SHBG: variants seen among roughly 807,000 people sequenced by gnomAD.
SHBG encodes the protein sex hormone-binding globulin.
Under a neutral mutation model 41.9 loss-of-function variants are expected in SHBG, and 37 were observed. The ratio of observed to expected loss-of-function variants is 0.88; its 90% CI spans 0.68 to 1.16. The LOEUF is 1.16. Ranked by LOEUF, SHBG falls within the 50% of genes most tolerant of loss-of-function variation. The pLI is 0.00. For synonymous variants in SHBG, 217 were observed against 205.8 expected, an observed-to-expected ratio of 1.05 and a Z score of -0.47; for missense variants, 466 against 499.9, an observed-to-expected ratio of 0.93 and a Z score of 0.65.
intron 6 of SHBG, 64 bp from the exon 7 acceptor site, chr17:7,632,688 C>A: frequency 7.6e-7 from 1 of 1,309,076 alleles, no homozygotes; most frequent in Non-Finnish European, 1.1e-6. Context: ...GGTGAGGCCA[C>A]AGGCAGTAGG....
intron 1 of SHBG, among the ~76,000 whole-genome samples, chr17:7,622,332 G>A (rs1352458476): frequency 1.3e-5 from 2 of 151,218 alleles, no homozygotes; most frequent in Non-Finnish European, 2.9e-5. Flanking sequence ...GAGTGCAGTG[G>A]CTCAATCTTG....
At chr17:7,615,713 A>T (rs1342763182) in intron 1 of SHBG, among the ~76,000 whole-genome samples, 2 of 146,586 alleles carry the variant, frequency 1.4e-5, no homozygotes, top group African/African-American at 5.1e-5. Flanking sequence ...ACGCGCCTGT[A>T]ATCCCAGATA....
At position 7,632,603 on chromosome 17, in the gene SHBG, T is replaced by C. The variant is rs150498522; in HGVS notation, c.853-149T>C. On this transcript the variant is annotated intron_variant, in intron 6 of 7. Coordinates refer to ENST00000380450, the MANE Select transcript of SHBG (RefSeq NM_001040.5). ...TCAAAAAGGGTCAAGCCAAAAAAAA[T>C]TGGGGCAGGATTTAAGTGGTGAGAA... The C allele has an allele frequency of 1.3e-3, 825 of 657,852 alleles. 5 individuals are homozygous for C. Among genetic ancestry groups the C allele is most frequent in the African/African-American group, 0.012 (647 of 55,506 alleles). The allele number at this position is 657,852 out of a possible 1,614,324, so 40.8% of individuals were successfully genotyped here. A position where few individuals can be genotyped will look rare whatever the true frequency, so the allele number is the denominator to read the frequency against.
At position 7,631,263 on chromosome 17, in the gene SHBG, C is replaced by T. The variant is rs1253364315; in HGVS notation, c.457C>T (p.Leu153=). Residue 153 remains leucine (L), a synonymous_variant, in exon 4 of 8, where the codon CTG becomes TTG. Coordinates refer to ENST00000380450, the MANE Select transcript of SHBG (RefSeq NM_001040.5). ...GGTGGATGGGGAGGAGGTGCTGCGCCTGAGACAGGTCTCTGGGCCCCTGAC... is the reference window on the plus strand; with the variant it reads ...GGTGGATGGGGAGGAGGTGCTGCGCTTGAGACAGGTCTCTGGGCCCCTGAC... The part of the protein sequence containing the change: ...LEVDGEEVLR[L]RQVSGPLTSK... The T allele has an allele frequency of 1.2e-6, 2 of 1,611,366 alleles. No homozygotes were observed. The highest frequency in any genetic ancestry group is 1.7e-6 in the Non-Finnish European group (2 of 1,178,906).
chr17:7,626,475 T>A, upstream of SHBG: 1 of 1,613,982 alleles, frequency 6.2e-7, no homozygotes, highest in Non-Finnish European at 8.5e-7. Context: ...TCTCGTTGCC[T>A]CTCCTTGAAA....
intron 1 of SHBG, among the ~76,000 whole-genome samples, chr17:7,616,093 G>A (rs1489266048): frequency 1.3e-5 from 2 of 150,874 alleles, no homozygotes; most frequent in Non-Finnish European, 2.9e-5. Context: ...CGGATCACGA[G>A]GTCAGGAGAT....
upstream of SHBG, among the ~76,000 whole-genome samples, chr17:7,629,330 A>G (rs1390806428): frequency 2.6e-5 from 4 of 151,998 alleles, no homozygotes; most frequent in Admixed American, 2.6e-4. Context: ...GTGAGCCGAG[A>G]TCACGCCACT....
At chr17:7,624,943 CTTTTTTTTTTT>C (rs907499817), upstream of SHBG, among the ~76,000 whole-genome samples, 1 of 93,722 alleles carries the variant, frequency 1.1e-5, no homozygotes, top group Non-Finnish European at 2.1e-5. Flanking sequence ...CAGGCGTGAG[CTTTTTTTTTTT>C]TTTTTTTTTT....
chr17:7,629,282 A>C (rs1166455480), upstream of SHBG, among the ~76,000 whole-genome samples: 1 of 151,824 alleles, frequency 6.6e-6, no homozygotes, highest in Non-Finnish European at 1.5e-5. Context: ...GGAGGCTGAG[A>C]CAGGAGGATC....
chr17:7,627,896 C>T (rs374580215), upstream of SHBG: 25 of 615,838 alleles, frequency 4.1e-5, no homozygotes, highest in East Asian at 4.9e-4. The surrounding 1 kb of genome is among the most constrained non-coding windows in gnomAD (Gnocchi z 4.8). Context: ...GGGGGCACAA[C>T]TGTCAGCCAA....
upstream of SHBG, chr17:7,627,612 C>G (rs1267637189): frequency 9.3e-6 from 15 of 1,613,364 alleles, no homozygotes; most frequent in Non-Finnish European, 1.1e-5. This position sits in a 1 kb window ranked among gnomAD's most constrained non-coding sequence, Gnocchi z 4.8. Flanking sequence ...CCTCCTTGGC[C>G]TCTCGGATCC....
At chr17:7,625,974 C>A (rs1376028127), upstream of SHBG, among the ~76,000 whole-genome samples, 2 of 150,556 alleles carry the variant, frequency 1.3e-5, no homozygotes, top group African/African-American at 4.9e-5. Flanking sequence ...GAGGCCGAGG[C>A]GGACGGATCA....
chr17:7,614,237 G>A, intron 1 of SHBG: 2 of 687,542 alleles, frequency 2.9e-6, no homozygotes, highest in East Asian at 2.7e-5. Flanking sequence ...GGAGATGGGG[G>A]TAGAAGCAGG....
In SHBG at chr17:7,614,115, T is replaced by C. The variant is rs1363726646; in HGVS notation, c.-62+4T>C. The C allele has an allele frequency of 3.8e-5, 21 of 549,436 alleles. No homozygotes were observed. In the Admixed American group the frequency reaches 4.6e-4, roughly 12 times the overall value. The allele number at this position is 549,436 out of a possible 1,614,324, so 34.0% of individuals were successfully genotyped here. ...GAAGATGTGATTAAGGTCTAAGGTA[T>C]GTCTTCCACCAGACAACGGACACAG... On this transcript the variant is annotated splice_donor_region_variant and intron_variant, in intron 1 of 5. Transcript: ENST00000570547.
intron 1 of SHBG, chr17:7,614,512 C>A (rs746758914): frequency 1.9e-4 from 294 of 1,515,616 alleles, no homozygotes; most frequent in Non-Finnish European, 2.4e-4. Context: ...CCACATCCCC[C>A]CCAGAGGCCA....
At position 7,630,453 on chromosome 17, in the gene SHBG, G is replaced by A; in HGVS notation, c.149G>A (p.Gly50Asp). The A allele has an allele frequency of 6.2e-7, 1 of 1,614,080 alleles. No homozygotes were observed. Among genetic ancestry groups the A allele is most frequent in the Non-Finnish European group, 8.5e-7 (1 of 1,180,012 alleles). The change falls in exon 2 of 8, where the codon GGC (glycine) becomes GAC (aspartate). Residue 50 changes from glycine to aspartate, a missense_variant. Transcript: ENST00000380450. This position sits in a 1 kb window ranked among gnomAD's most constrained non-coding sequence, Gnocchi z 4.6. ...HDPPAVHLSN[G>D]PGQEPIAVMT... ...CCTCCGGCTGTCCACCTCAGCAATG[G>A]CCCAGGACAAGAGCCTATCGCTGTC...
chr17:7,632,300 C>T (rs2072444793), intron 6 of SHBG, among the ~76,000 whole-genome samples: 1 of 151,684 alleles, frequency 6.6e-6, no homozygotes, highest in Non-Finnish European at 1.5e-5. Flanking sequence ...AAAAATTAGC[C>T]AGGCATGGTA....
chr17:7,628,700 C>T (rs926032326), upstream of SHBG, among the ~76,000 whole-genome samples: 2 of 151,994 alleles, frequency 1.3e-5, no homozygotes, highest in Non-Finnish European at 2.9e-5. Context: ...CCCGCCTCAG[C>T]CTTCTAAAGT....
intron 1 of SHBG, among the ~76,000 whole-genome samples, chr17:7,622,942 G>A (rs543161370): frequency 1.3e-5 from 2 of 151,568 alleles, no homozygotes; most frequent in African/African-American, 4.8e-5. Flanking sequence ...GAGGCTGAGG[G>A]AGGAGAATGG....
Sources: allele counts gnomAD v4.1 joint callset (sites outside exome capture counted in the v4.1 genomes callset), GRCh38; gene constraint gnomAD v4.1.1; non-coding constraint Gnocchi (gnomAD v3.1); transcripts MANE v1.5; gene names NCBI Gene and HGNC (gene_info 2026-07-23, HGNC 2026-07-21).